The following SMG9 variants were observed in gnomAD, a reference collection of about 807,000 sequenced individuals.
SMG9 encodes SMG9 nonsense mediated mRNA decay factor.
In SMG9, 55 loss-of-function variants were observed where a neutral mutation model predicts 64.0. That is an observed-to-expected ratio of 0.86 (90% CI 0.69 to 1.08). The LOEUF (loss-of-function observed/expected upper bound fraction) is 1.08, where lower values mean the gene tolerates loss of function less well. Ranked by LOEUF, SMG9 falls within the 50% of genes least tolerant of loss-of-function variation. SMG9 has a pLI of 0.00. For missense variants in SMG9, 554 were observed against 681.3 expected (o/e 0.81, Z 2.08); for synonymous variants, 244 against 254.8 (o/e 0.96, Z 0.41).
At chr19:43,740,286 G>C in intron 6 of SMG9, 68 bp from the exon 7 acceptor site, 1 of 1,123,244 alleles carries the variant, frequency 8.9e-7, no homozygotes. Flanking sequence ...TCCGAAGTGT[G>C]ACCCTGTGAG....
At chr19:43,754,245 T>C (rs1969284141) in intron 1 of SMG9, 1 of 152,052 alleles carries the variant, frequency 6.6e-6, no homozygotes, top group South Asian at 2.1e-4. Context: ...TGTAGTCGAT[T>C]TGCACATTTT....
chr19:43,728,932 G>T lies in SMG9; in HGVS notation c.*2664C>A. On this transcript the variant is annotated 3_prime_UTR_variant, in exon 14 of 14. Transcript: ENST00000270066. ...GGGACTGGAGAGCCACAAGCAGCAG[G>T]CATTCCTGGTGGCCAGGCCCATCTT... 1.0e-6 allele frequency: 1 copy of T among 954,366 alleles called. No individual in the cohort carries two copies. The highest frequency in any genetic ancestry group is 1.2e-6 in the Non-Finnish European group (1 of 801,544). The allele number at this position is 954,366 out of a possible 1,614,324, so 59.1% of individuals were successfully genotyped here. A position where few individuals can be genotyped will look rare whatever the true frequency, so the allele number is the denominator to read the frequency against.
At chr19:43,741,564 C>A (rs149497894) in intron 6 of SMG9, among the ~76,000 whole-genome samples, 3 of 152,246 alleles carry the variant, frequency 2.0e-5, no homozygotes, top group Non-Finnish European at 4.4e-5. Context: ...GAGGACCGTA[C>A]GGTGGAAAAA....
rs767421163 is a variant in SMG9 at position 43,744,826 on chromosome 19, C to T, written c.647G>A (p.Gly216Asp). Residue 216 changes from glycine (G) to aspartate (D), a missense_variant, in exon 6 of 14, where the codon GGC becomes GAC. By Grantham distance (94) the Gly-to-Asp change is moderately conservative. Coordinates refer to ENST00000270066, the MANE Select transcript of SMG9 (RefSeq NM_019108.4). ...CAACAATGACATGACCATGGACTTG[C>T]CTGTCCCCTGGAGGCCCAGGACACC... ...VVGVLGLQGT[G>D]KSMVMSLLSA... 1.2e-6 allele frequency: 2 copies of T among 1,613,982 alleles called. No homozygotes were observed. Among genetic ancestry groups the T allele is most frequent in the Non-Finnish European group, 1.7e-6 (2 of 1,179,892 alleles).
chr19:43,732,031 C>G (rs954397057), intron 13 of SMG9, among the ~76,000 whole-genome samples: 3 of 152,248 alleles, frequency 2.0e-5, no homozygotes, highest in African/African-American at 7.2e-5. Flanking sequence ...CTAACAGCAG[C>G]TGCACAACCC....
At chr19:43,747,579 G>A (rs774649090) in intron 4 of SMG9, 40 bp from the exon 5 acceptor site, 1 of 1,614,090 alleles carries the variant, frequency 6.2e-7, no homozygotes, top group Non-Finnish European at 8.5e-7. Flanking sequence ...GATGCAGTGA[G>A]GATCTGTGAG....
At chr19:43,734,605 A>T in intron 9 of SMG9, 110 bp from the exon 10 acceptor site, 1 of 677,800 alleles carries the variant, frequency 1.5e-6, no homozygotes, top group South Asian at 1.8e-5. Flanking sequence ...CCATGCTCAG[A>T]AAAATACCAT....
At chr19:43,747,957 C>A (rs1226441649) in intron 3 of SMG9, 21 bp downstream of exon 3, 5 of 1,614,090 alleles carry the variant, frequency 3.1e-6, no homozygotes, top group Non-Finnish European at 4.2e-6. Context: ...GGCTCCCCCT[C>A]CTCCCTCCTT....
At chr19:43,748,198 C>T (rs1018210405) in intron 2 of SMG9, 146 bp from the exon 3 acceptor site, 13 of 1,008,756 alleles carry the variant, frequency 1.3e-5, no homozygotes, top group Non-Finnish European at 1.7e-5. Context: ...TTATTACCCC[C>T]ACTTTACAGA....
chr19:43,739,386 G>A (rs56098219), intron 7 of SMG9, among the ~76,000 whole-genome samples: 1 of 152,184 alleles, frequency 6.6e-6, no homozygotes, highest in African/African-American at 2.4e-5. Flanking sequence ...TTAAAACTGA[G>A]GAATGAAAAT....
At chr19:43,744,363 C>T (rs1968934490) in intron 6 of SMG9, among the ~76,000 whole-genome samples, 1 of 152,164 alleles carries the variant, frequency 6.6e-6, no homozygotes, top group Non-Finnish European at 1.5e-5. Context: ...TAACTTTTGC[C>T]TTCTTGATCT....
At chr19:43,744,943 G>GT in intron 5 of SMG9, 59 bp from the exon 6 acceptor site, 1 of 1,315,274 alleles carries the variant, frequency 7.6e-7, no homozygotes, top group Non-Finnish European at 1.1e-6. Flanking sequence ...GCTGGAATGA[G>GT]GGGGGGACTC....
chr19:43,744,205 G>A (rs1968930154), intron 6 of SMG9, among the ~76,000 whole-genome samples: 1 of 152,152 alleles, frequency 6.6e-6, no homozygotes, highest in Non-Finnish European at 1.5e-5. Flanking sequence ...CCCCAGCCTG[G>A]AGAAGCAGAG....
chr19:43,749,654 A>T (rs1969134304), intron 2 of SMG9, among the ~76,000 whole-genome samples: 1 of 152,028 alleles, frequency 6.6e-6, no homozygotes, highest in Non-Finnish European at 1.5e-5. Flanking sequence ...ACCTACTTCC[A>T]CCCTACCTGA....
intron 6 of SMG9, among the ~76,000 whole-genome samples, chr19:43,743,933 T>A (rs951504677): frequency 6.6e-6 from 1 of 152,234 alleles, no homozygotes; most frequent in Non-Finnish European, 1.5e-5. Flanking sequence ...AACTTCAACA[T>A]GTCTCTGTTC....
intron 9 of SMG9, among the ~76,000 whole-genome samples, chr19:43,736,946 C>T (rs991805771): frequency 6.6e-6 from 1 of 152,150 alleles, no homozygotes; most frequent in Admixed American, 6.5e-5. Context: ...TCCTGGGCTG[C>T]AGGAAGAACA....
At chr19:43,747,930 GCA>G (rs777206305) in intron 3 of SMG9, 33 bp from the exon 4 acceptor site, 1 of 1,614,118 alleles carries the variant, frequency 6.2e-7, no homozygotes, top group Non-Finnish European at 8.5e-7. Context: ...ATCAATGGGG[GCA>G]ATCCCTTCCC....
intron 1 of SMG9, among the ~76,000 whole-genome samples, chr19:43,752,916 A>AAAAAAAAAAAAAAAG (rs1433797448): frequency 2.0e-5 from 3 of 148,864 alleles, no homozygotes; most frequent in African/African-American, 7.6e-5. Context: ...AAAAAAAAAA[A>AAAAAAAAAAAAAAAG]GCAGAACCCT....
intron 8 of SMG9, 84 bp downstream of exon 8, chr19:43,738,038 C>A (rs1968730152): frequency 1.4e-5 from 19 of 1,336,040 alleles, no homozygotes; most frequent in Non-Finnish European, 2.0e-5. Flanking sequence ...CTAAGTGGAC[C>A]ACCCACACCC....
Sources: allele counts gnomAD v4.1 joint callset (sites outside exome capture counted in the v4.1 genomes callset), GRCh38; gene constraint gnomAD v4.1.1; transcripts MANE v1.5; gene names NCBI Gene and HGNC (gene_info 2026-07-23, HGNC 2026-07-21).